Variants in PRKCA observed in about 807,000 individuals in gnomAD.
The protein encoded by PRKCA is protein kinase C alpha type.
In PRKCA, 27 loss-of-function variants were observed where a neutral mutation model predicts 87.0. The ratio of observed to expected loss-of-function variants is 0.31; its 90% CI spans 0.23 to 0.43. The LOEUF is 0.43. Among genes scored for constraint, PRKCA ranks in the 20% least tolerant of loss-of-function variants. The pLI is 1.00. For missense variants in PRKCA, 518 were observed against 852.3 expected, an observed-to-expected ratio of 0.61 and a Z score of 4.88; for synonymous variants, 329 against 311.1, an observed-to-expected ratio of 1.06 and a Z score of -0.61.
rs75863408 is a variant in PRKCA, at chr17:66,753,202, C to G, written c.1524+10442C>G. ...TCCCCACCAGTCCCCAGGCTGGGCT[C>G]TCCTTATAGGGTTAGAGTCTGCAGG... On this transcript the variant is annotated intron_variant, in intron 13 of 16. Coordinates refer to ENST00000413366, the MANE Select transcript of PRKCA (RefSeq NM_002737.3). Among the ~76,000 whole-genome samples the G allele has an allele frequency of 9.8e-3, 1,487 of 152,342 alleles. 22 individuals carry two copies. Among genetic ancestry groups the G allele is most frequent in the African/African-American group, 0.034 (1,407 of 41,574 alleles).
intron 2 of PRKCA, among the ~76,000 whole-genome samples, chr17:66,374,473 C>T (rs1201798997): frequency 5.3e-5 from 8 of 152,286 alleles, no homozygotes; most frequent in Non-Finnish European, 1.5e-5. Flanking sequence ...CTCATGCTGG[C>T]GTCACCATGG....
At chr17:66,534,781 C>T (rs953352770) in intron 3 of PRKCA, among the ~76,000 whole-genome samples, 20 of 152,310 alleles carry the variant, frequency 1.3e-4, no homozygotes, top group African/African-American at 4.6e-4. Flanking sequence ...TTCTTAAGGA[C>T]TCATGGTAAT....
chr17:66,329,926 T>C (rs937542602), intron 2 of PRKCA, among the ~76,000 whole-genome samples: 4 of 152,162 alleles, frequency 2.6e-5, no homozygotes, highest in Non-Finnish European at 1.5e-5. Context: ...GTGTGAATCG[T>C]GTTCTCTCTC....
intron 2 of PRKCA, among the ~76,000 whole-genome samples, chr17:66,377,013 G>T (rs1214877280): frequency 2.1e-5 from 3 of 144,058 alleles, no homozygotes; most frequent in Non-Finnish European, 3.1e-5. Flanking sequence ...CAAAGCCTCC[G>T]GATTTATTTA....
rs938034545 is a variant in PRKCA at position 66,805,190 on chromosome 17, G to A, written c.*1153G>A. 1.3e-4 allele frequency: 119 copies of A among 938,298 alleles called. No individual in the cohort carries two copies. The highest frequency in any genetic ancestry group is 1.4e-4 in the Non-Finnish European group (113 of 787,134). 58.1% of individuals were successfully genotyped at this position (938,298 alleles called of 1,614,324 possible). A position where few individuals can be genotyped will look rare whatever the true frequency, so the allele number is the denominator to read the frequency against. ...CACGTTGAATGACAGGCCTGGAGCTGTAGAATCAGGAAACCCGGATGCCTA... is the reference window on the plus strand; with the variant it reads ...CACGTTGAATGACAGGCCTGGAGCTATAGAATCAGGAAACCCGGATGCCTA... On this transcript the variant is annotated 3_prime_UTR_variant, in exon 17 of 17. Coordinates refer to ENST00000413366, the MANE Select transcript of PRKCA (RefSeq NM_002737.3).
chr17:66,388,482 C>T lies in PRKCA; in HGVS notation c.205+82355C>T, dbSNP rs538197665. Among the ~76,000 whole-genome samples, 7 of 152,062 alleles carry T rather than the reference C, an allele frequency of 4.6e-5. No homozygotes were observed. The South Asian group carries it at 6.2e-4, about 14-fold the overall frequency. On this transcript the variant is annotated intron_variant, in intron 2 of 16. Coordinates refer to ENST00000413366, the MANE Select transcript of PRKCA (RefSeq NM_002737.3). ...GCTGATTTTGTGTTTTTAGTAGAGACGGGATTTCACCATGTTGATTAGGCT... is the reference window on the plus strand; with the variant it reads ...GCTGATTTTGTGTTTTTAGTAGAGATGGGATTTCACCATGTTGATTAGGCT...
chr17:66,403,589 TGAAAG>T (rs1911164301), intron 2 of PRKCA: 3 of 152,164 alleles, frequency 2.0e-5, no homozygotes, highest in Non-Finnish European at 4.4e-5. Context: ...GCAATTTAAG[TGAAAG>T]TTTTTTTCAG....
intron 14 of PRKCA, among the ~76,000 whole-genome samples, chr17:66,776,223 C>T (rs375919728): frequency 9.8e-5 from 15 of 152,346 alleles, no homozygotes; most frequent in African/African-American, 3.4e-4. Context: ...CATGAGGCTG[C>T]AGCAACCTCA....
chr17:66,729,719 C>T (rs1295405524), intron 8 of PRKCA, among the ~76,000 whole-genome samples: 2 of 151,746 alleles, frequency 1.3e-5, no homozygotes, highest in East Asian at 1.9e-4. Context: ...AATGGGGGCA[C>T]TCAACTCATC....
At chr17:66,729,780 CTTTT>C (rs60247180) in intron 8 of PRKCA, among the ~76,000 whole-genome samples, 19 of 105,102 alleles carry the variant, frequency 1.8e-4, no homozygotes, top group African/African-American at 4.6e-4. Context: ...GCGAGTTATT[CTTTT>C]TTTTTTTTTT....
chr17:66,553,276 C>G (rs1968397749), intron 3 of PRKCA, among the ~76,000 whole-genome samples: 1 of 152,134 alleles, frequency 6.6e-6, no homozygotes, highest in Non-Finnish European at 1.5e-5. Flanking sequence ...CCACCCTGCA[C>G]CTGGCCTGAT....
chr17:66,460,134 G>A (rs772919154), intron 2 of PRKCA, among the ~76,000 whole-genome samples: 5 of 152,086 alleles, frequency 3.3e-5, no homozygotes, highest in Non-Finnish European at 7.3e-5. Context: ...TAAGTCTAAC[G>A]GACTGGGCAT....
chr17:66,408,374 G>T (rs1309819883), intron 2 of PRKCA, among the ~76,000 whole-genome samples: 4 of 152,130 alleles, frequency 2.6e-5, no homozygotes, highest in African/African-American at 9.7e-5. Flanking sequence ...GCATTTTAGG[G>T]CATTACTTTA....
At chr17:66,620,011 C>T (rs574230418) in intron 3 of PRKCA, among the ~76,000 whole-genome samples, 4 of 152,174 alleles carry the variant, frequency 2.6e-5, no homozygotes, top group Non-Finnish European at 4.4e-5. Context: ...TCAGCCACAC[C>T]GTCACATGTT....
intron 5 of PRKCA, among the ~76,000 whole-genome samples, chr17:66,652,838 C>T (rs986519535): frequency 2.0e-5 from 3 of 152,208 alleles, no homozygotes; most frequent in Non-Finnish European, 2.9e-5. Flanking sequence ...CTGCCTCCAC[C>T]CTCTTACTCT....
In PRKCA at chr17:66,318,380, A is replaced by G. The variant is rs1439262178; in HGVS notation, c.205+12253A>G. Among the ~76,000 whole-genome samples the G allele has an allele frequency of 4.6e-5, 7 of 152,316 alleles. No homozygotes were observed. The East Asian group carries it at 1.3e-3, about 29-fold the overall frequency. On this transcript the variant is annotated intron_variant, in intron 2 of 16. Coordinates refer to ENST00000413366, the MANE Select transcript of PRKCA (RefSeq NM_002737.3). ...AGGTGCTAATTCAAGTTTAGGGATAATGGCTGATAGGCACCATTATCCTTT... is the reference window on the plus strand; with the variant it reads ...AGGTGCTAATTCAAGTTTAGGGATAGTGGCTGATAGGCACCATTATCCTTT...
chr17:66,616,131 G>C (rs183302295), intron 3 of PRKCA, among the ~76,000 whole-genome samples: 1 of 152,244 alleles, frequency 6.6e-6, no homozygotes. Context: ...CAATCAGAAA[G>C]TCTGACTGGG....
intron 5 of PRKCA, among the ~76,000 whole-genome samples, chr17:66,670,024 T>C (rs558701052): frequency 6.6e-6 from 1 of 152,252 alleles, no homozygotes; most frequent in Non-Finnish European, 1.5e-5. Flanking sequence ...TCTAATCGTA[T>C]GCACTACTAA....
chr17:66,659,218 T>C (rs1197204499), intron 5 of PRKCA, among the ~76,000 whole-genome samples: 2 of 152,162 alleles, frequency 1.3e-5, no homozygotes, highest in Admixed American at 1.3e-4. Context: ...GATTGGAGAC[T>C]CTAGGGACTC....
Sources: allele counts gnomAD v4.1 joint callset (sites outside exome capture counted in the v4.1 genomes callset), GRCh38; gene constraint gnomAD v4.1.1; transcripts MANE v1.5; gene names NCBI Gene and HGNC (gene_info 2026-07-23, HGNC 2026-07-21).